Variants in DLGAP2 observed in about 807,000 individuals in gnomAD.
The protein encoded by DLGAP2 is disks large-associated protein 2.
In DLGAP2, 26 loss-of-function variants were observed where a neutral mutation model predicts 100.3. The ratio of observed to expected loss-of-function variants is 0.26; its 90% CI spans 0.19 to 0.36. The LOEUF is 0.36. DLGAP2 is among the 10% of genes least tolerant of loss of function. The probability of loss-of-function intolerance (pLI) is 1.00; values close to 1 mark genes in which losing one functional copy is unlikely to be tolerated. For synonymous variants in DLGAP2, 886 were observed against 630.1 expected (o/e 1.41, Z -6.08); for missense variants, 1,858 against 1,453.2 (o/e 1.28, Z -4.53).
intron 2 of DLGAP2, among the ~76,000 whole-genome samples, chr8:1,053,621 C>T (rs902398031): frequency 1.3e-5 from 2 of 152,078 alleles, no homozygotes; most frequent in African/African-American, 2.4e-5. Context: ...CGAGGAATTC[C>T]GTGGATGTGT....
chr8:960,237 C>CTTTTTTTGTTTTTTTTTTTT (rs1799692232), intron 2 of DLGAP2, among the ~76,000 whole-genome samples: 1 of 44,640 alleles, frequency 2.2e-5, no homozygotes, highest in African/African-American at 8.8e-5. Flanking sequence ...TGAAGTATAT[C>CTTTTTTTGTTTTTTTTTTTT]TTTTTTTTTT....
chr8:1,241,074 G>A lies in DLGAP2; in HGVS notation c.74-17777G>A, dbSNP rs145498653. Among the ~76,000 whole-genome samples the A allele has an allele frequency of 3.8e-3, 128 of 33,286 alleles. 13 individuals carry two copies. Among genetic ancestry groups the A allele is most frequent in the South Asian group, 8.6e-3 (6 of 698 alleles). 21.8% of individuals were successfully genotyped at this position (33,286 alleles called of 152,430 possible). On this transcript the variant is annotated intron_variant, in intron 2 of 14. Coordinates refer to ENST00000637795, the MANE Select transcript of DLGAP2 (RefSeq NM_001346810.2). Reference sequence around the variant, plus strand: ...GCATCGTGTCTGGTTCTCTCACATGGTGACGTGTCTAGTTCTCTCACATGG... The same window carrying A: ...GCATCGTGTCTGGTTCTCTCACATGATGACGTGTCTAGTTCTCTCACATGG...
intron 2 of DLGAP2, among the ~76,000 whole-genome samples, chr8:918,892 T>C (rs1400332003): frequency 6.6e-6 from 1 of 152,232 alleles, no homozygotes; most frequent in Admixed American, 6.5e-5. Context: ...TTTTTAAACA[T>C]TCAAATCTGA....
At chr8:961,400 G>T (rs1233615652) in intron 2 of DLGAP2, among the ~76,000 whole-genome samples, 3 of 152,316 alleles carry the variant, frequency 2.0e-5, no homozygotes, top group Non-Finnish European at 2.9e-5. Flanking sequence ...GTAACAGAGG[G>T]TGTATGCTTC....
At chr8:866,897 TGCCACGTTCCCAGGGAA>T (rs1210542819) in intron 1 of DLGAP2, among the ~76,000 whole-genome samples, 9 of 152,152 alleles carry the variant, frequency 5.9e-5, no homozygotes, top group African/African-American at 1.9e-4. Flanking sequence ...CGCCCCAACA[TGCCACGTTCCCAGGGAA>T]GCCACGTTCC....
At chr8:995,427 A>G (rs896022286) in intron 2 of DLGAP2, among the ~76,000 whole-genome samples, 1 of 152,208 alleles carries the variant, frequency 6.6e-6, no homozygotes, top group Admixed American at 6.5e-5. Flanking sequence ...ATTAACAGTG[A>G]TTTATATTCC....
chr8:750,486 T>C (rs1275850528), intron 1 of DLGAP2, among the ~76,000 whole-genome samples: 1 of 152,184 alleles, frequency 6.6e-6, no homozygotes, highest in Non-Finnish European at 1.5e-5. Context: ...TGCATAAAAA[T>C]TGACAAAGAA....
intron 4 of DLGAP2, among the ~76,000 whole-genome samples, chr8:1,516,922 T>G (rs1369957890): frequency 1.3e-5 from 2 of 152,136 alleles, no homozygotes; most frequent in African/African-American, 4.8e-5. Context: ...TCTGTTTGCT[T>G]GAAACAATAA....
intron 3 of DLGAP2, among the ~76,000 whole-genome samples, chr8:1,476,090 C>A (rs1465740945): frequency 6.6e-6 from 1 of 152,160 alleles, no homozygotes; most frequent in Non-Finnish European, 1.5e-5. Flanking sequence ...ATAGGGCGTA[C>A]AGTAACCAGT....
chr8:1,636,411 A>AC (rs1797767225), intron 8 of DLGAP2, among the ~76,000 whole-genome samples: 1 of 152,242 alleles, frequency 6.6e-6, no homozygotes, highest in Admixed American at 6.5e-5. Flanking sequence ...GGTACATAGT[A>AC]ATTCCATTTC....
intron 3 of DLGAP2, among the ~76,000 whole-genome samples, chr8:1,266,294 A>G (rs1208543406): frequency 6.6e-6 from 1 of 152,196 alleles, no homozygotes; most frequent in Non-Finnish European, 1.5e-5. Context: ...CCAAGCAGCC[A>G]TGCTTTTATT....
intron 3 of DLGAP2, among the ~76,000 whole-genome samples, chr8:1,318,061 C>A (rs1431873584): frequency 2.9e-5 from 1 of 35,062 alleles, no homozygotes; most frequent in African/African-American, 1.7e-4. Context: ...ACACTCGAGA[C>A]ACTCGTCAGT....
intron 3 of DLGAP2, among the ~76,000 whole-genome samples, chr8:1,387,533 G>A (rs970042472): frequency 6.6e-6 from 1 of 152,128 alleles, no homozygotes; most frequent in Non-Finnish European, 1.5e-5. Context: ...GGTCGTGGTT[G>A]CACGGCAGTG....
intron 3 of DLGAP2, among the ~76,000 whole-genome samples, chr8:1,292,885 C>T (rs1229341582): frequency 6.6e-6 from 1 of 152,166 alleles, no homozygotes; most frequent in African/African-American, 2.4e-5. Flanking sequence ...CAGTGCCCAC[C>T]CCGTGCGTGG....
chr8:916,587 C>T (rs1441746591), intron 2 of DLGAP2, among the ~76,000 whole-genome samples: 1 of 152,116 alleles, frequency 6.6e-6, no homozygotes, highest in East Asian at 1.9e-4. Flanking sequence ...AGCACACCAA[C>T]ATGGCACATG....
intron 2 of DLGAP2, among the ~76,000 whole-genome samples, chr8:1,105,792 AG>A (rs1804740945): frequency 6.8e-6 from 1 of 146,694 alleles, no homozygotes; most frequent in Non-Finnish European, 1.5e-5. Context: ...TTTTCTACTG[AG>A]AGGAGCCATT....
intron 3 of DLGAP2, among the ~76,000 whole-genome samples, chr8:1,284,657 T>A (rs1014793765): frequency 1.3e-5 from 2 of 152,236 alleles, no homozygotes; most frequent in African/African-American, 4.8e-5. Context: ...TATTTTGCTC[T>A]GTCACCCAGG....
chr8:1,293,940 C>G (rs1222141852), intron 3 of DLGAP2, among the ~76,000 whole-genome samples: 1 of 152,218 alleles, frequency 6.6e-6, no homozygotes, highest in Non-Finnish European at 1.5e-5. Flanking sequence ...AAACAAGTAT[C>G]AGGCTGCGGA....
At chr8:1,252,719 G>C (rs567972777) in intron 2 of DLGAP2, among the ~76,000 whole-genome samples, 2 of 152,380 alleles carry the variant, frequency 1.3e-5, no homozygotes, top group African/African-American at 4.8e-5. Flanking sequence ...CAGTGGCCAT[G>C]GCGGCCAGGC....
Sources: gnomAD v4.1 joint callset for allele counts (sites outside exome capture counted in the v4.1 genomes callset) on GRCh38, gnomAD v4.1.1 for gene constraint, MANE v1.5 for transcripts, NCBI Gene and HGNC (gene_info 2026-07-23, HGNC 2026-07-21) for gene names.